RHOQ: variants seen among roughly 807,000 people sequenced by gnomAD.
The protein encoded by RHOQ is ras homolog family member Q, also known as rho-related GTP-binding protein RhoQ.
Under a neutral mutation model 25.8 loss-of-function variants are expected in RHOQ, and 7 were observed. That is an observed-to-expected ratio of 0.27 (90% CI 0.15 to 0.51). RHOQ has a LOEUF of 0.51. RHOQ is among the 20% of genes least tolerant of loss of function. The pLI, the probability that RHOQ is intolerant of heterozygous loss-of-function variation, is 0.97. For missense variants in RHOQ, 165 were observed against 260.6 expected, an observed-to-expected ratio of 0.63 and a Z score of 2.53; for synonymous variants, 97 against 98.6, an observed-to-expected ratio of 0.98 and a Z score of 0.10.
chr2:46,580,878 A>G (rs185805690), intron 4 of RHOQ, 50 bp from the exon 5 acceptor site: 170 of 1,315,138 alleles, frequency 1.3e-4, no homozygotes, highest in Admixed American at 1.0e-3. Context: ...TGTCATGCCA[A>G]TTGTATAAAC....
chr2:46,554,734 T>C (rs1668359227), intron 2 of RHOQ, among the ~76,000 whole-genome samples: 1 of 152,090 alleles, frequency 6.6e-6, no homozygotes, highest in African/African-American at 2.4e-5. Flanking sequence ...TGTGCAAGTG[T>C]TCTCCCCTCC....
At chr2:46,570,560 G>A (rs1668880182) in intron 2 of RHOQ, among the ~76,000 whole-genome samples, 1 of 152,218 alleles carries the variant, frequency 6.6e-6, no homozygotes, top group African/African-American at 2.4e-5. Context: ...CTCAGAAGCT[G>A]GCTTCATGAC....
intron 2 of RHOQ, chr2:46,572,757 T>A (rs1344748822): frequency 4.4e-6 from 2 of 454,172 alleles, no homozygotes; most frequent in Non-Finnish European, 8.9e-6. Context: ...CTGTGAGAAG[T>A]TGTGACTTTG....
chr2:46,563,989 G>C (rs1196426042), intron 2 of RHOQ, among the ~76,000 whole-genome samples: 5 of 151,790 alleles, frequency 3.3e-5, no homozygotes, highest in Non-Finnish European at 7.4e-5. Flanking sequence ...AAATTTACAC[G>C]ACATAAATTT....
intron 2 of RHOQ, 35 bp downstream of exon 2, chr2:46,543,847 C>T (rs756797999): frequency 6.3e-7 from 1 of 1,594,478 alleles, no homozygotes; most frequent in Non-Finnish European, 8.6e-7. Flanking sequence ...CGCCCCCCTC[C>T]TGTTCCCCAG....
At position 46,544,793 on chromosome 2, in the gene RHOQ, T is replaced by G. The variant is rs145104362; in HGVS notation, c.201+981T>G. On this transcript the variant is annotated intron_variant, in intron 2 of 4. Coordinates refer to ENST00000238738, the MANE Select transcript of RHOQ (RefSeq NM_012249.4). ...CAGCTGAAAGTCTTAGAGAATGTCT[T>G]TGGGGGAAGTCCAGTAGTAGAATTT... is the stretch of plus-strand genomic sequence containing the variant. 6.6e-5 allele frequency among the ~76,000 whole-genome samples: 10 copies of G among 152,336 alleles called. No individual in the cohort carries two copies. The East Asian group carries it at 1.9e-3, about 29-fold the overall frequency.
intron 2 of RHOQ, 110 bp from the exon 3 acceptor site, chr2:46,575,977 A>G: frequency 3.7e-6 from 3 of 803,940 alleles, no homozygotes; most frequent in Non-Finnish European, 3.7e-6. Flanking sequence ...CATACATTCC[A>G]CTAGTGGAGT....
Position 46,576,647 on chromosome 2 carries a change from A to T in RHOQ, c.453A>T (p.Leu151=), listed in dbSNP as rs762449415. The T allele has an allele frequency of 4.4e-6, 7 of 1,585,658 alleles. No individual in the cohort carries two copies. Among genetic ancestry groups the T allele is most frequent in the Non-Finnish European group, 6.0e-6 (7 of 1,159,950 alleles). ...KPICVEQGQK[L]AKEIGACCYV... is the part of the protein sequence containing the mutation. ...TATGTGTGGAACAAGGACAGAAACT[A>T]GCAAAAGAGGTAATGGAACACTCAC... Residue 151 remains leucine (L), a synonymous_variant, in exon 4 of 5, where the codon CTA becomes CTT. Coordinates refer to ENST00000238738, the MANE Select transcript of RHOQ (RefSeq NM_012249.4). This position sits in a 1 kb window ranked among gnomAD's most constrained non-coding sequence, Gnocchi z 5.1.
chr2:46,583,891 A>G lies in RHOQ; in HGVS notation c.*2808A>G, dbSNP rs1158187939. Among the ~76,000 whole-genome samples the G allele has an allele frequency of 2.0e-5, 3 of 152,210 alleles. No individual in the cohort carries two copies. The highest frequency in any genetic ancestry group is 1.9e-4 in the East Asian group (1 of 5,204). On this transcript the variant is annotated 3_prime_UTR_variant, in exon 5 of 5. Transcript: ENST00000238738. ...TATTTGAGTTAATCAGTGTTTGCAT[A>G]TAGAGAATTAGTTCTAAAGTTCTTA...
intron 2 of RHOQ, among the ~76,000 whole-genome samples, chr2:46,553,981 T>A (rs1668330947): frequency 6.6e-6 from 1 of 152,124 alleles, no homozygotes. Context: ...TGTCCATGAG[T>A]TCAATTGTTT....
intron 2 of RHOQ, among the ~76,000 whole-genome samples, chr2:46,565,677 C>T (rs149687022): frequency 1.7e-4 from 26 of 152,368 alleles, no homozygotes; most frequent in African/African-American, 2.4e-5. Context: ...GCAGCTAGCA[C>T]TGTGCAAGCT....
At chr2:46,557,326 A>G (rs572734061) in intron 2 of RHOQ, among the ~76,000 whole-genome samples, 3 of 152,386 alleles carry the variant, frequency 2.0e-5, no homozygotes, top group South Asian at 4.1e-4. Context: ...CATAGTAAAA[A>G]GGGAGTTGCT....
At position 46,569,767 on chromosome 2, in the gene RHOQ, C is replaced by T. The variant is rs186844252; in HGVS notation, c.202-6320C>T. ...TAATTTCAAGAATTCTTTTACTAAG[C>T]GCTAATCAGGCCAGTGACATATAAA... On this transcript the variant is annotated intron_variant, in intron 2 of 4. Transcript: ENST00000238738. This position sits in a 1 kb window ranked among gnomAD's most constrained non-coding sequence, Gnocchi z 4.1. 2.3e-4 allele frequency among the ~76,000 whole-genome samples: 35 copies of T among 152,172 alleles called. No homozygotes were observed. Among genetic ancestry groups the T allele is most frequent in the Admixed American group, 2.2e-3 (33 of 15,282 alleles).
rs764343770 is a variant in RHOQ at position 46,581,513 on chromosome 2, A to T, written c.*430A>T. On this transcript the variant is annotated 3_prime_UTR_variant, in exon 5 of 5. Coordinates refer to ENST00000238738, the MANE Select transcript of RHOQ (RefSeq NM_012249.4). ...TTGTATGTAAGTTGCTTTCTATTCC[A>T]GTATATCCAGAGTGGTGAAATAACA... 1 of 1,611,576 alleles carries T rather than the reference A, an allele frequency of 6.2e-7. No homozygotes were observed. Among genetic ancestry groups the T allele is most frequent in the Non-Finnish European group, 8.5e-7 (1 of 1,179,556 alleles).
chr2:46,579,205 T>C (rs186987140), intron 4 of RHOQ, among the ~76,000 whole-genome samples: 1 of 152,324 alleles, frequency 6.6e-6, no homozygotes, highest in East Asian at 1.9e-4. Context: ...CTTTCTTCAG[T>C]TGGACTCTCT....
At position 46,543,756 on chromosome 2, in the gene RHOQ, A is replaced by C; in HGVS notation, c.145A>C (p.Ser49Arg). Residue 49 changes from serine to arginine, a missense_variant and splice_region_variant, in exon 2 of 5, where the codon AGC becomes CGC. By Grantham distance (110) the Ser-to-Arg change is moderately radical. Transcript: ENST00000238738. ...VPTVFDHYAV[S>R]VTVGGKQYLL... ...CGCCCCCACTTCTGTCCTTGCAGTC[A>C]GCGTCACCGTGGGGGGCAAGCAGTA... 3 of 1,613,612 alleles carry C rather than the reference A, an allele frequency of 1.9e-6. No individual in the cohort carries two copies. Among genetic ancestry groups the C allele is most frequent in the Non-Finnish European group, 2.5e-6 (3 of 1,179,822 alleles).
chr2:46,552,294 C>T lies in RHOQ; in HGVS notation c.201+8482C>T, dbSNP rs1558683130. ...AGCAGGCCCGAGGTGGCGCTGATGG[C>T]CCCATTGCTCAAGTACGTGTGGAAG... On this transcript the variant is annotated intron_variant, in intron 2 of 4. Coordinates refer to ENST00000238738, the MANE Select transcript of RHOQ (RefSeq NM_012249.4). The surrounding 1 kb of genome is among the most constrained non-coding windows in gnomAD (Gnocchi z 5.0). 6.6e-6 allele frequency among the ~76,000 whole-genome samples: 1 copy of T among 152,168 alleles called. No individual in the cohort carries two copies. The highest frequency in any genetic ancestry group is 2.1e-4 in the South Asian group (1 of 4,826).
At chr2:46,574,671 C>T (rs1442245240) in intron 2 of RHOQ, among the ~76,000 whole-genome samples, 1 of 152,076 alleles carries the variant, frequency 6.6e-6, no homozygotes, top group Non-Finnish European at 1.5e-5. Context: ...CTTTTAATGC[C>T]CACAGCTCTA....
intron 2 of RHOQ, among the ~76,000 whole-genome samples, chr2:46,570,166 C>T (rs115964722): frequency 7.1e-4 from 108 of 152,262 alleles, no homozygotes; most frequent in Admixed American, 1.3e-3. Flanking sequence ...TCAGGCCAGG[C>T]GTGGTGGCTC....
Sources: gnomAD v4.1 joint callset for allele counts (sites outside exome capture counted in the v4.1 genomes callset) on GRCh38, gnomAD v4.1.1 for gene constraint, Gnocchi (gnomAD v3.1) non-coding constraint, MANE v1.5 for transcripts, NCBI Gene and HGNC (gene_info 2026-07-23, HGNC 2026-07-21) for gene names.